The following NFE2L2 variants were observed in gnomAD, a reference collection of about 807,000 sequenced individuals.
The protein encoded by NFE2L2 is NFE2 like bZIP transcription factor 2.
Under a neutral mutation model 49.6 loss-of-function variants are expected in NFE2L2, and 20 were observed. The observed-to-expected ratio is 0.40, with a 90% CI of 0.28 to 0.59. The LOEUF (loss-of-function observed/expected upper bound fraction) is 0.59, where lower values mean the gene tolerates loss of function less well. Ranked by LOEUF, NFE2L2 falls within the 20% of genes least tolerant of loss-of-function variation. NFE2L2 has a pLI of 0.40. For missense variants in NFE2L2, 578 were observed against 714.2 expected, an observed-to-expected ratio of 0.81 and a Z score of 2.17; for synonymous variants, 244 against 256.5, an observed-to-expected ratio of 0.95 and a Z score of 0.47.
At chr2:177,247,159 C>G (rs1197386089) in intron 1 of NFE2L2, among the ~76,000 whole-genome samples, 1 of 152,054 alleles carries the variant, frequency 6.6e-6, no homozygotes, top group African/African-American at 2.4e-5. Context: ...AGAGACTGTA[C>G]CTTTTACACT....
chr2:177,260,474 A>C (rs1427543140), intron 1 of NFE2L2, among the ~76,000 whole-genome samples: 1 of 152,254 alleles, frequency 6.6e-6, no homozygotes, highest in African/African-American at 2.4e-5. Flanking sequence ...GAGATGTACT[A>C]TTCTCAAAGA....
rs1441199966 is a variant in NFE2L2 at position 177,234,235 on chromosome 2, T to A, written c.82A>T (p.Ile28Leu). Reference protein sequence around the residue: ...DLIDILWRQDIDLGVSREVFD... With the variant: ...DLIDILWRQDLDLGVSREVFD... The stretch of plus-strand genomic sequence containing the variant: ...ACTTCTCGACTTACTCCAAGATCTA[T>A]ATCTTGCCTCCAAAGTATGTCAATC... The change falls in exon 2 of 5, where the codon ATA becomes TTA. Residue 28 changes from isoleucine to leucine, a missense_variant. This residue lies in a region of NFE2L2 where 93 missense variants were observed against 153.9 expected (regional missense o/e 0.60). Transcript: ENST00000397062. 1.9e-6 allele frequency: 3 copies of A among 1,613,074 alleles called. No individual in the cohort carries two copies. The highest frequency in any genetic ancestry group is 2.5e-6 in the Non-Finnish European group (3 of 1,179,830).
At chr2:177,263,567 TA>T in intron 1 of NFE2L2, 4 of 985,282 alleles carry the variant, frequency 4.1e-6, no homozygotes, top group Non-Finnish European at 4.8e-6. Context: ...TTGCACGCTA[TA>T]AAGCAGGAAA....
Position 177,231,613 on chromosome 2 carries a change from T to C in NFE2L2, c.990A>G (p.Gln330=). 2 of 1,614,126 alleles carry C rather than the reference T, an allele frequency of 1.2e-6. No homozygotes were observed. The highest frequency in any genetic ancestry group is 2.2e-5 in the East Asian group (1 of 44,882). The change falls in exon 5 of 5, where the codon CAA becomes CAG. Residue 330 remains glutamine, a synonymous_variant. Transcript: ENST00000397062. The stretch of plus-strand genomic sequence containing the variant: ...ATTCTGCTGTGCTTTCAGGGTGGTT[T>C]TGGTTGAAAGCTTTGCAAAGTGATA... ...SDLSLCKAFN[Q]NHPESTAEFN... is the part of the protein sequence containing the mutation.
intron 1 of NFE2L2, among the ~76,000 whole-genome samples, chr2:177,246,975 T>G (rs1410551454): frequency 2.0e-5 from 3 of 152,166 alleles, no homozygotes; most frequent in African/African-American, 7.2e-5. Flanking sequence ...AATAACATAA[T>G]TATTTAATCA....
intron 1 of NFE2L2, among the ~76,000 whole-genome samples, chr2:177,235,959 ATAGG>A (rs902205069): frequency 1.3e-5 from 2 of 152,250 alleles, no homozygotes; most frequent in African/African-American, 4.8e-5. Flanking sequence ...AAAAATCTAA[ATAGG>A]TAGGAAATCT....
chr2:177,241,652 GT>G (rs1689940924), intron 1 of NFE2L2, among the ~76,000 whole-genome samples: 1 of 152,124 alleles, frequency 6.6e-6, no homozygotes, highest in Admixed American at 6.5e-5. Flanking sequence ...GAGCCCAGGA[GT>G]TTGAGACCAG....
chr2:177,233,065 A>G (rs969700724), intron 3 of NFE2L2, 185 bp downstream of exon 3: 2 of 552,342 alleles, frequency 3.6e-6, no homozygotes, highest in African/African-American at 2.0e-5. Flanking sequence ...TTTTTTTCTT[A>G]ATTGTAAAGT....
chr2:177,245,902 G>C (rs546044927), intron 1 of NFE2L2, among the ~76,000 whole-genome samples: 1 of 152,214 alleles, frequency 6.6e-6, no homozygotes, highest in East Asian at 1.9e-4. Flanking sequence ...GAGCCACTGC[G>C]TCCAGCCTGT....
intron 1 of NFE2L2, among the ~76,000 whole-genome samples, chr2:177,248,117 G>A (rs1216709889): frequency 6.6e-6 from 1 of 152,140 alleles, no homozygotes; most frequent in Non-Finnish European, 1.5e-5. Flanking sequence ...CAAACCCCAG[G>A]TTTATAAATG....
At chr2:177,246,320 C>T (rs1690127996) in intron 1 of NFE2L2, among the ~76,000 whole-genome samples, 2 of 152,168 alleles carry the variant, frequency 1.3e-5, no homozygotes, top group South Asian at 4.1e-4. Context: ...GTATGTCTTA[C>T]AGGATTTTCT....
intron 1 of NFE2L2, among the ~76,000 whole-genome samples, chr2:177,262,496 TTGACTC>T (rs1690776187): frequency 6.6e-6 from 1 of 152,242 alleles, no homozygotes; most frequent in South Asian, 2.1e-4. Context: ...AAGAAAATGT[TTGACTC>T]TGTTCAAATC....
intron 1 of NFE2L2, chr2:177,263,481 G>A: frequency 1.0e-6 from 1 of 985,538 alleles, no homozygotes; most frequent in Non-Finnish European, 1.2e-6. Flanking sequence ...CAAAGACAAA[G>A]CCGCTCTGGG....
chr2:177,232,314 G>T, intron 4 of NFE2L2, 78 bp downstream of exon 4: 1 of 1,312,512 alleles, frequency 7.6e-7, no homozygotes, highest in Non-Finnish European at 1.0e-6. Flanking sequence ...CTATAAATAG[G>T]TGGTATATAA....
At chr2:177,259,533 G>A (rs1400417522) in intron 1 of NFE2L2, among the ~76,000 whole-genome samples, 2 of 152,178 alleles carry the variant, frequency 1.3e-5, no homozygotes, top group African/African-American at 4.8e-5. Flanking sequence ...ATAGTTAAGA[G>A]TTATTTATTA....
chr2:177,233,604 G>GCTCACCTCATTGTCATC, intron 2 of NFE2L2: 1 of 517,866 alleles, frequency 1.9e-6, no homozygotes. Flanking sequence ...AGGGATAATG[G>GCTCACCTCATTGTCATC]TAACTAATTA....
At chr2:177,253,593 A>G (rs1439852326) in intron 1 of NFE2L2, among the ~76,000 whole-genome samples, 2 of 152,216 alleles carry the variant, frequency 1.3e-5, no homozygotes, top group African/African-American at 2.4e-5. Context: ...TAGACTAACA[A>G]TTCAGTATTT....
intron 3 of NFE2L2, 84 bp from the exon 4 acceptor site, chr2:177,232,667 G>C: frequency 2.3e-6 from 3 of 1,328,216 alleles, no homozygotes; most frequent in Non-Finnish European, 3.1e-6. Context: ...AAACAAAATG[G>C]AATCAGCTGC....
At position 177,230,694 on chromosome 2, in the gene NFE2L2, TTATAAAG is replaced by T; in HGVS notation, c.*84_*90del. The stretch of plus-strand genomic sequence containing the variant: ...TGGCTATGATTTTGCATAGAATTAC[TTATAAAG>T]TATGAGCATTTCACATCACAGTAGG... On this transcript the variant is annotated 3_prime_UTR_variant, in exon 5 of 5. Transcript: ENST00000397062. The T allele has an allele frequency of 7.2e-7, 1 of 1,397,416 alleles. No homozygotes were observed. The highest frequency in any genetic ancestry group is 9.5e-7 in the Non-Finnish European group (1 of 1,051,362). The allele number at this position is 1,397,416 out of a possible 1,614,324, so 86.6% of individuals were successfully genotyped here.
Sources: gnomAD v4.1 joint callset for allele counts (sites outside exome capture counted in the v4.1 genomes callset) on GRCh38, gnomAD v4.1.1 for gene constraint, gnomAD v4.1.1 regional missense constraint, MANE v1.5 for transcripts, NCBI Gene and HGNC (gene_info 2026-07-23, HGNC 2026-07-21) for gene names.